ARRDC5: variants seen among roughly 807,000 people sequenced by gnomAD.
ARRDC5 encodes the protein arrestin domain-containing protein 5.
In ARRDC5, 12 loss-of-function variants were observed where a neutral mutation model predicts 13.3. The observed-to-expected ratio is 0.90, with a 90% CI of 0.58 to 1.46. The LOEUF (loss-of-function observed/expected upper bound fraction) is 1.46. Among genes scored for constraint, ARRDC5 ranks in the 40% most tolerant of loss-of-function variants. ARRDC5 has a pLI of 0.00. For synonymous variants in ARRDC5, 181 were observed against 173.4 expected, an observed-to-expected ratio of 1.04 and a Z score of -0.34; for missense variants, 406 against 418.7, an observed-to-expected ratio of 0.97 and a Z score of 0.26.
rs557457594 is a variant in ARRDC5 at position 4,890,955 on chromosome 19, C to T, written c.*91G>A. On this transcript the variant is annotated 3_prime_UTR_variant, in exon 3 of 3. Transcript: ENST00000650722. ...GGTTGCAGACAACCTGTTGCCCACTCCTCGACTCCTCTGAGAGTCACCTGT... is the reference window on the plus strand; with the variant it reads ...GGTTGCAGACAACCTGTTGCCCACTTCTCGACTCCTCTGAGAGTCACCTGT... 7 of 1,136,954 alleles carry T rather than the reference C, an allele frequency of 6.2e-6. No homozygotes were observed. The highest frequency in any genetic ancestry group is 8.7e-6 in the Non-Finnish European group (7 of 806,394). 70.4% of individuals were successfully genotyped at this position (1,136,954 alleles called of 1,614,324 possible). A position where few individuals can be genotyped will look rare whatever the true frequency, so the allele number is the denominator to read the frequency against.
At chr19:4,914,705 C>T in the ARRDC5 span, among the ~76,000 whole-genome samples, 1 of 150,442 alleles carries the variant, frequency 6.6e-6, no homozygotes, top group Admixed American at 6.6e-5. Flanking sequence ...CTGTCTTTTG[C>T]GGCACCTTTA....
the ARRDC5 span, among the ~76,000 whole-genome samples, chr19:4,912,779 T>C: frequency 6.6e-6 from 1 of 152,104 alleles, no homozygotes; most frequent in Admixed American, 6.6e-5. Flanking sequence ...TTGTTCCTAT[T>C]TGAGACAGGA....
At chr19:4,893,168 A>C (rs1599208454) in intron 2 of ARRDC5, among the ~76,000 whole-genome samples, 1 of 141,396 alleles carries the variant, frequency 7.1e-6, no homozygotes, top group Non-Finnish European at 1.5e-5. Context: ...ATAATATATT[A>C]TTATATATAA....
chr19:4,902,603 C>T lies in ARRDC5; in HGVS notation c.223G>A (p.Val75Met), dbSNP rs372955599. The T allele has an allele frequency of 1.3e-5, 21 of 1,613,872 alleles. No individual in the cohort carries two copies. Among genetic ancestry groups the T allele is most frequent in the Middle Eastern group, 1.6e-4 (1 of 6,084 alleles). ...NVICNNKADY[V>M]HKTKTFPVED... ...ACTGGGAATGTCTTTGTCTTATGCA[C>T]GTAGTCTGCCTTGTTGTTGCAAATA... The change falls in exon 1 of 3, where the codon GTG (valine) becomes ATG (methionine). Residue 75 changes from valine (V) to methionine (M), a missense_variant. By Grantham distance (21) the Val-to-Met change is conservative (BLOSUM62 1). Transcript: ENST00000650722.
intron 1 of ARRDC5, among the ~76,000 whole-genome samples, chr19:4,897,697 G>C (rs1312845894): frequency 6.6e-6 from 1 of 151,998 alleles, no homozygotes; most frequent in Admixed American, 6.6e-5. Flanking sequence ...TTAAATTTCT[G>C]GTAGAGACAG....
upstream of ARRDC5, among the ~76,000 whole-genome samples, chr19:4,906,265 C>T (rs2032062474): frequency 6.6e-6 from 1 of 152,170 alleles, no homozygotes; most frequent in African/African-American, 2.4e-5. Flanking sequence ...AGGTGTGAGC[C>T]ACTGCACCCA....
chr19:4,909,632 A>G, the ARRDC5 span: 1 of 592,522 alleles, frequency 1.7e-6, no homozygotes. Flanking sequence ...GCAGGCAGAC[A>G]AGCTGTTCGC....
Position 4,896,634 on chromosome 19 carries a change from G to A in ARRDC5, c.459+37C>T, listed in dbSNP as rs370470341. On this transcript the variant is annotated intron_variant, in intron 2 of 2. Coordinates refer to ENST00000650722, the MANE Select transcript of ARRDC5 (RefSeq NM_001080523.3). ...CTTCCCTCTTCCTCCTTGGAGCTTGGAGATTGTTCCCACCTCCACCTTTCC... is the reference window on the plus strand; with the variant it reads ...CTTCCCTCTTCCTCCTTGGAGCTTGAAGATTGTTCCCACCTCCACCTTTCC... The A allele has an allele frequency of 4.6e-5, 70 of 1,506,602 alleles. No individual in the cohort carries two copies. In the Middle Eastern group the frequency reaches 4.8e-3, roughly 103 times the overall value. 93.3% of individuals were successfully genotyped at this position (1,506,602 alleles called of 1,614,324 possible). A position where few individuals can be genotyped will look rare whatever the true frequency, so the allele number is the denominator to read the frequency against.
At chr19:4,915,558 C>A in the ARRDC5 span, among the ~76,000 whole-genome samples, 1 of 151,976 alleles carries the variant, frequency 6.6e-6, no homozygotes, top group Admixed American at 6.6e-5. Context: ...ACTAAAAATA[C>A]AAAAATTAGC....
At chr19:4,896,360 TTACACACACAC>T (rs1238920726) in intron 2 of ARRDC5, among the ~76,000 whole-genome samples, 35 of 70,294 alleles carry the variant, frequency 5.0e-4, no homozygotes, top group African/African-American at 2.1e-3. Flanking sequence ...TTTTTTTTTT[TTACACACACAC>T]ACACACACAC....
rs1403416145 is a variant in ARRDC5, at chr19:4,896,721, A to G, written c.409T>C (p.Tyr137His). The G allele has an allele frequency of 6.2e-7, 1 of 1,613,678 alleles. No homozygotes were observed. Among genetic ancestry groups the G allele is most frequent in the Non-Finnish European group, 8.5e-7 (1 of 1,179,678 alleles). Reference sequence around the variant, plus strand: ...GTGGAAGTTCCTTGAACCAATAAGTACATCCTCTTCTTGGCTAAAATGTGT... The same window carrying G: ...GTGGAAGTTCCTTGAACCAATAAGTGCATCCTCTTCTTGGCTAAAATGTGT... ...REHILAKKRM[Y>H]LLVQGTSTFH... is the part of the protein sequence containing the mutation. The change falls in exon 2 of 3, where the codon TAC becomes CAC. Residue 137 changes from tyrosine (Y) to histidine (H), a missense_variant. By Grantham distance (83) the Tyr-to-His change is moderately conservative. Coordinates refer to ENST00000650722, the MANE Select transcript of ARRDC5 (RefSeq NM_001080523.3).
chr19:4,909,335 G>A, the ARRDC5 span: 2 of 583,038 alleles, frequency 3.4e-6, no homozygotes, highest in Non-Finnish European at 6.0e-6. Flanking sequence ...GGGCGGAGCC[G>A]TGGCCCACTA....
upstream of ARRDC5, chr19:4,903,028 T>TA: frequency 5.4e-6 from 3 of 550,558 alleles, no homozygotes; most frequent in Non-Finnish European, 9.1e-6. Flanking sequence ...CCTCACTGGT[T>TA]CTTTTTTTTT....
chr19:4,891,815 C>T (rs2031523252), intron 2 of ARRDC5, among the ~76,000 whole-genome samples: 1 of 151,944 alleles, frequency 6.6e-6, no homozygotes, highest in Non-Finnish European at 1.5e-5. Flanking sequence ...ATTAGCTGAG[C>T]GTGATGGAGC....
the ARRDC5 span, chr19:4,910,864 C>T: frequency 1.1e-4 from 174 of 1,592,720 alleles, 1 homozygote; most frequent in African/African-American, 2.0e-3. Context: ...TTTTTGCTGT[C>T]CCTCCCCTCA....
the ARRDC5 span, chr19:4,910,759 C>T: frequency 2.6e-4 from 332 of 1,294,602 alleles, 5 homozygotes; most frequent in South Asian, 5.1e-3. Flanking sequence ...GGAAGGGCAT[C>T]CTGGGAGTTT....
chr19:4,896,313 C>CA (rs559677827), intron 2 of ARRDC5, among the ~76,000 whole-genome samples: 108 of 54,088 alleles, frequency 2.0e-3, no homozygotes, highest in South Asian at 5.8e-3. Context: ...GACTGCATCT[C>CA]AAAAAAAAAA....
intron 2 of ARRDC5, among the ~76,000 whole-genome samples, chr19:4,894,752 GGAAGAA>G (rs748454889): frequency 1.9e-5 from 2 of 102,868 alleles, no homozygotes; most frequent in Admixed American, 9.7e-5. Flanking sequence ...AAGAGGAAGA[GGAAGAA>G]GAAGAAGAAG....
intron 1 of ARRDC5, among the ~76,000 whole-genome samples, chr19:4,899,171 G>A (rs923308890): frequency 6.6e-6 from 1 of 151,874 alleles, no homozygotes; most frequent in Non-Finnish European, 1.5e-5. Flanking sequence ...AATTAGCTGG[G>A]CGTGGTGGCG....
Sources: allele counts gnomAD v4.1 joint callset (sites outside exome capture counted in the v4.1 genomes callset), GRCh38; gene constraint gnomAD v4.1.1; transcripts MANE v1.5; gene names NCBI Gene and HGNC (gene_info 2026-07-23, HGNC 2026-07-21).